The following SLC4A10 variants were observed in gnomAD, a reference collection of about 807,000 sequenced individuals.
SLC4A10 encodes sodium-driven chloride bicarbonate exchanger.
A neutral mutation model predicts 137.7 loss-of-function variants in SLC4A10; 42 were observed. The observed-to-expected ratio is 0.30, with a 90% CI of 0.24 to 0.39. SLC4A10 has a LOEUF of 0.39. Among genes scored for constraint, SLC4A10 ranks in the 10% least tolerant of loss-of-function variants. SLC4A10 has a pLI of 1.00. For missense variants in SLC4A10, 925 were observed against 1,355.0 expected, an observed-to-expected ratio of 0.68 and a Z score of 4.98; for synonymous variants, 474 against 464.1, an observed-to-expected ratio of 1.02 and a Z score of -0.27.
chr2:161,891,430 A>G (rs1180305810), intron 10 of SLC4A10, among the ~76,000 whole-genome samples: 1 of 152,128 alleles, frequency 6.6e-6, no homozygotes, highest in African/African-American at 2.4e-5. Context: ...TTTCAGGTAC[A>G]CCAATCAAAC....
intron 10 of SLC4A10, among the ~76,000 whole-genome samples, chr2:161,885,998 G>C (rs761647177): frequency 8.6e-5 from 13 of 151,944 alleles, no homozygotes; most frequent in Non-Finnish European, 1.9e-4. Context: ...ACTTGGGAGG[G>C]TGAGGTGGGC....
intron 1 of SLC4A10, among the ~76,000 whole-genome samples, chr2:161,630,078 A>G (rs1465664122): frequency 6.6e-6 from 1 of 151,836 alleles, no homozygotes; most frequent in East Asian, 1.9e-4. Context: ...GGATTGTATA[A>G]GAGTATTTAG....
intron 16 of SLC4A10, among the ~76,000 whole-genome samples, chr2:161,945,950 T>C (rs1181976694): frequency 6.6e-6 from 1 of 151,974 alleles, no homozygotes; most frequent in Non-Finnish European, 1.5e-5. Flanking sequence ...ATGGAACTTT[T>C]AGCTCCTTTT....
intron 5 of SLC4A10, among the ~76,000 whole-genome samples, chr2:161,859,846 C>T (rs555893946): frequency 3.9e-5 from 6 of 151,998 alleles, no homozygotes; most frequent in South Asian, 2.1e-4. Context: ...GTGATCCGCC[C>T]GCCTCGGCCT....
chr2:161,897,064 T>C (rs1031358718), intron 11 of SLC4A10, among the ~76,000 whole-genome samples: 6 of 152,054 alleles, frequency 3.9e-5, no homozygotes, highest in Admixed American at 6.6e-5. Context: ...ACAGGAAATA[T>C]TGGGAAGATT....
At chr2:161,703,092 C>A (rs955262419) in intron 1 of SLC4A10, among the ~76,000 whole-genome samples, 2 of 151,504 alleles carry the variant, frequency 1.3e-5, no homozygotes, top group East Asian at 3.9e-4. Context: ...ATAGATATAA[C>A]CCTTCTGGAG....
chr2:161,748,797 T>C (rs1281082433), intron 1 of SLC4A10, among the ~76,000 whole-genome samples: 1 of 152,098 alleles, frequency 6.6e-6, no homozygotes, highest in East Asian at 1.9e-4. Flanking sequence ...TTTAGAATTG[T>C]TTTTCTATGT....
chr2:161,789,361 C>G (rs1448127406), intron 2 of SLC4A10, among the ~76,000 whole-genome samples: 1 of 152,134 alleles, frequency 6.6e-6, no homozygotes, highest in Admixed American at 6.5e-5. Context: ...GTCTGCCAGA[C>G]TTTTGCTGCT....
chr2:161,692,478 G>A (rs1364875834), intron 1 of SLC4A10, among the ~76,000 whole-genome samples: 3 of 152,068 alleles, frequency 2.0e-5, no homozygotes, highest in Non-Finnish European at 4.4e-5. Context: ...AGTGTTCCTT[G>A]AGAGAATTGA....
At chr2:161,810,016 A>G (rs1325692935) in intron 3 of SLC4A10, among the ~76,000 whole-genome samples, 2 of 152,086 alleles carry the variant, frequency 1.3e-5, no homozygotes, top group Non-Finnish European at 2.9e-5. Context: ...TGAGTGTGGA[A>G]CATTTTTACA....
intron 6 of SLC4A10, among the ~76,000 whole-genome samples, chr2:161,870,946 A>G (rs1012502856): frequency 6.6e-6 from 1 of 151,852 alleles, no homozygotes; most frequent in Non-Finnish European, 1.5e-5. Context: ...TATTAAGCCT[A>G]TTACTTTCTG....
intron 3 of SLC4A10, among the ~76,000 whole-genome samples, chr2:161,821,143 T>C (rs920942884): frequency 6.6e-6 from 1 of 152,234 alleles, no homozygotes; most frequent in African/African-American, 2.4e-5. Flanking sequence ...GTAGAAGTTC[T>C]TTACATGTTA....
At chr2:161,798,037 C>T (rs1001166588) in intron 2 of SLC4A10, among the ~76,000 whole-genome samples, 2 of 151,992 alleles carry the variant, frequency 1.3e-5, no homozygotes, top group Non-Finnish European at 2.9e-5. Flanking sequence ...AACAATGGCA[C>T]AGTAGCCTAG....
intron 3 of SLC4A10, among the ~76,000 whole-genome samples, chr2:161,823,406 A>T (rs2057779430): frequency 6.6e-6 from 1 of 152,214 alleles, no homozygotes; most frequent in South Asian, 2.1e-4. Context: ...AATCACGTCT[A>T]CCTGAGCAGT....
At position 161,815,446 on chromosome 2, in the gene SLC4A10, CCT is replaced by C. The variant is rs2056964142; in HGVS notation, c.277+10855_277+10856del. ...CGCCATGATTGTAAGTTTCCTGAGG[CCT>C]CTCCAGGCATATGGAGCTGTGAGAC... is the stretch of plus-strand genomic sequence containing the variant. On this transcript the variant is annotated intron_variant, in intron 3 of 26. Coordinates refer to ENST00000446997, the MANE Select transcript of SLC4A10 (RefSeq NM_001178015.2). Among the ~76,000 whole-genome samples, 3 of 152,132 alleles carry C rather than the reference CCT, an allele frequency of 2.0e-5. No individual in the cohort carries two copies. The South Asian group carries it at 6.2e-4, about 32-fold the overall frequency.
intron 1 of SLC4A10, among the ~76,000 whole-genome samples, chr2:161,767,785 T>G (rs143793868): frequency 6.6e-6 from 1 of 152,176 alleles, no homozygotes; most frequent in African/African-American, 2.4e-5. Context: ...CTTCATTTAC[T>G]TGCTCTGTTA....
At chr2:161,861,267 G>A (rs2060419496) in intron 5 of SLC4A10, among the ~76,000 whole-genome samples, 1 of 152,092 alleles carries the variant, frequency 6.6e-6, no homozygotes, top group African/African-American at 2.4e-5. Flanking sequence ...GTTAGACTTA[G>A]GATAATTTTT....
chr2:161,974,927 G>A (rs901465800), intron 24 of SLC4A10, among the ~76,000 whole-genome samples: 1 of 152,070 alleles, frequency 6.6e-6, no homozygotes, highest in Non-Finnish European at 1.5e-5. Flanking sequence ...TCTCAATATA[G>A]TTTAGTTTAA....
chr2:161,708,666 A>G (rs2043947966), intron 1 of SLC4A10: 2 of 1,494,450 alleles, frequency 1.3e-6, no homozygotes, highest in African/African-American at 2.8e-5. Context: ...TGATGGACAG[A>G]TCTGTTGTTT....
Sources: gnomAD v4.1 joint callset for allele counts (sites outside exome capture counted in the v4.1 genomes callset) on GRCh38, gnomAD v4.1.1 for gene constraint, MANE v1.5 for transcripts, NCBI Gene and HGNC (gene_info 2026-07-23, HGNC 2026-07-21) for gene names.